The following FARP1 variants were observed in gnomAD, a reference collection of about 807,000 sequenced individuals.
The protein encoded by FARP1 is FERM, ARHGEF and pleckstrin domain-containing protein 1.
Under a neutral mutation model 128.8 loss-of-function variants are expected in FARP1, and 52 were observed. The ratio of observed to expected loss-of-function variants is 0.40; its 90% CI spans 0.32 to 0.51. The LOEUF is 0.51. FARP1 is among the 20% of genes least tolerant of loss of function. FARP1 has a pLI of 0.45. For synonymous variants in FARP1, 580 were observed against 551.8 expected, an observed-to-expected ratio of 1.05 and a Z score of -0.72; for missense variants, 1,333 against 1,367.9, an observed-to-expected ratio of 0.97 and a Z score of 0.40.
intron 13 of FARP1, chr13:98,406,573 A>G (rs1890981902): frequency 8.6e-6 from 1 of 115,892 alleles, no homozygotes; most frequent in Non-Finnish European, 1.9e-5. Flanking sequence ...TGCAGAGCGC[A>G]CATATTAAGT....
intron 1 of FARP1, among the ~76,000 whole-genome samples, chr13:98,189,044 C>T (rs916703052): frequency 6.6e-6 from 1 of 152,160 alleles, no homozygotes; most frequent in African/African-American, 2.4e-5. Context: ...TTCTCCTCTC[C>T]TTGTCCTGTG....
At chr13:98,373,142 A>G (rs1467460931) in intron 5 of FARP1, among the ~76,000 whole-genome samples, 2 of 152,168 alleles carry the variant, frequency 1.3e-5, no homozygotes, top group Non-Finnish European at 2.9e-5. Flanking sequence ...GTGCTCTCCC[A>G]GTAAACGTGT....
intron 13 of FARP1, chr13:98,397,562 C>T (rs1446506775): frequency 1.3e-5 from 2 of 152,170 alleles, no homozygotes; most frequent in Non-Finnish European, 2.9e-5. Flanking sequence ...ACCCAGCATT[C>T]CTGCATTTTA....
chr13:98,440,934 G>C (rs1892498498), intron 24 of FARP1, 98 bp downstream of exon 24: 3 of 1,278,082 alleles, frequency 2.3e-6, no homozygotes, highest in Non-Finnish European at 3.2e-6. Context: ...GGCTGGGACT[G>C]TGGGTGGCCC....
chr13:98,430,800 A>G lies in FARP1; in HGVS notation c.1906-243A>G, dbSNP rs1304075726. 8.5e-5 allele frequency among the ~76,000 whole-genome samples: 13 copies of G among 152,356 alleles called. No homozygotes were observed. The East Asian group carries it at 2.3e-3, about 27-fold the overall frequency. On this transcript the variant is annotated intron_variant, in intron 17 of 26. Transcript: ENST00000319562. Reference sequence around the variant, plus strand: ...CTCTGATGTTATATACATAGCTTATATATTTTATGATCCATGTGTATTTTA... The same window carrying G: ...CTCTGATGTTATATACATAGCTTATGTATTTTATGATCCATGTGTATTTTA...
chr13:98,367,305 C>T (rs1021436644), intron 4 of FARP1, among the ~76,000 whole-genome samples: 2 of 152,088 alleles, frequency 1.3e-5, no homozygotes, highest in African/African-American at 4.8e-5. Flanking sequence ...TATAGGCGCC[C>T]GCCACCACGC....
intron 2 of FARP1, among the ~76,000 whole-genome samples, chr13:98,246,481 A>C (rs1379507126): frequency 1.3e-5 from 2 of 152,074 alleles, no homozygotes; most frequent in Non-Finnish European, 2.9e-5. Context: ...ATTAGAGTCT[A>C]TAGTTTTTGT....
At chr13:98,161,861 C>A (rs1876910839) in intron 1 of FARP1, among the ~76,000 whole-genome samples, 1 of 151,980 alleles carries the variant, frequency 6.6e-6, no homozygotes, top group Admixed American at 6.6e-5. Flanking sequence ...CTCACTGCAG[C>A]CTCAACCTCC....
chr13:98,175,471 G>C (rs1247340977), intron 1 of FARP1, among the ~76,000 whole-genome samples: 1 of 151,476 alleles, frequency 6.6e-6, no homozygotes, highest in African/African-American at 2.4e-5. Context: ...ACTCCCTCCC[G>C]GTCTTGGTTC....
chr13:98,161,714 CCTT>C (rs1190273531), intron 1 of FARP1, among the ~76,000 whole-genome samples: 2 of 152,082 alleles, frequency 1.3e-5, no homozygotes, highest in African/African-American at 4.8e-5. Flanking sequence ...GAAGTCCCTA[CCTT>C]CTTGTCTCTC....
intron 1 of FARP1, among the ~76,000 whole-genome samples, chr13:98,204,922 C>A (rs1449075615): frequency 6.6e-6 from 1 of 150,492 alleles, no homozygotes; most frequent in Non-Finnish European, 1.5e-5. Context: ...CTCTCTAGCC[C>A]AGGTGACAGA....
intron 1 of FARP1, among the ~76,000 whole-genome samples, chr13:98,194,538 G>T (rs1430431948): frequency 6.6e-6 from 1 of 152,240 alleles, no homozygotes; most frequent in African/African-American, 2.4e-5. Context: ...GCCAAGGTCT[G>T]ATTTTGCAGT....
At chr13:98,345,560 G>A (rs1353324856) in intron 3 of FARP1, 1 of 152,162 alleles carries the variant, frequency 6.6e-6, no homozygotes, top group Admixed American at 6.5e-5. Flanking sequence ...TTACACTATT[G>A]TTTAGGAATG....
At chr13:98,220,082 A>G (rs1182988385) in intron 2 of FARP1, among the ~76,000 whole-genome samples, 1 of 151,814 alleles carries the variant, frequency 6.6e-6, no homozygotes, top group African/African-American at 2.4e-5. Context: ...AAGAGGTGAA[A>G]TACACATTTA....
chr13:98,420,982 G>A (rs1891571982), intron 16 of FARP1, among the ~76,000 whole-genome samples: 1 of 152,228 alleles, frequency 6.6e-6, no homozygotes. Flanking sequence ...CCCAAGCAGG[G>A]CTGGGACTTG....
intron 1 of FARP1, among the ~76,000 whole-genome samples, chr13:98,149,597 C>G (rs1409363538): frequency 6.6e-6 from 1 of 151,660 alleles, no homozygotes; most frequent in Non-Finnish European, 1.5e-5. Flanking sequence ...ACAGTCTTTC[C>G]TTTTAGCCAT....
At chr13:98,189,821 G>A (rs1228426594) in intron 1 of FARP1, among the ~76,000 whole-genome samples, 1 of 152,192 alleles carries the variant, frequency 6.6e-6, no homozygotes, top group Non-Finnish European at 1.5e-5. Flanking sequence ...AATTTCAGGA[G>A]CAACAGTTGA....
chr13:98,268,773 C>T (rs1403870413), intron 2 of FARP1, among the ~76,000 whole-genome samples: 1 of 121,538 alleles, frequency 8.2e-6, no homozygotes, highest in Non-Finnish European at 1.7e-5. Flanking sequence ...TGGCCTTTCC[C>T]TTCTTTGTGT....
At chr13:98,282,012 A>T (rs1884958940) in intron 2 of FARP1, among the ~76,000 whole-genome samples, 2 of 152,194 alleles carry the variant, frequency 1.3e-5, no homozygotes, top group Admixed American at 1.3e-4. Flanking sequence ...TCCTCATTCA[A>T]AACATGATGA....
Sources: gnomAD v4.1 joint callset for allele counts (sites outside exome capture counted in the v4.1 genomes callset) on GRCh38, gnomAD v4.1.1 for gene constraint, MANE v1.5 for transcripts, NCBI Gene and HGNC (gene_info 2026-07-23, HGNC 2026-07-21) for gene names.